NIPBL: variants seen among roughly 807,000 people sequenced by gnomAD.
The protein encoded by NIPBL is NIPBL cohesin loading factor, also known as nipped-B-like protein.
NIPBL carries 19 observed loss-of-function variants against 321.8 expected under a neutral mutation model. The observed-to-expected ratio is 0.06, with a 90% CI of 0.04 to 0.09. The LOEUF (loss-of-function observed/expected upper bound fraction) is 0.09. Ranked by LOEUF, NIPBL falls within the 10% of genes least tolerant of loss-of-function variation. NIPBL has a pLI of 1.00. For missense variants in NIPBL, 2,210 were observed against 3,327.0 expected (o/e 0.66, Z 8.26); for synonymous variants, 1,106 against 1,114.1 (o/e 0.99, Z 0.14).
intron 1 of NIPBL, among the ~76,000 whole-genome samples, chr5:36,929,292 A>G (rs74640063): frequency 8.5e-5 from 13 of 152,218 alleles, no homozygotes; most frequent in African/African-American, 3.1e-4. Context: ...TAAGCCATTC[A>G]CATGTGTTCT....
At chr5:37,011,203 A>G (rs576614096) in intron 21 of NIPBL, among the ~76,000 whole-genome samples, 20 of 152,200 alleles carry the variant, frequency 1.3e-4, no homozygotes, top group Middle Eastern at 3.2e-3. Context: ...TTGTTTATCT[A>G]CTGTTAGAGC....
intron 10 of NIPBL, among the ~76,000 whole-genome samples, chr5:36,994,402 T>C (rs995954761): frequency 6.6e-6 from 1 of 152,178 alleles, no homozygotes; most frequent in Non-Finnish European, 1.5e-5. Context: ...GGTTATTCTT[T>C]CATTAAGATT....
intron 41 of NIPBL, among the ~76,000 whole-genome samples, chr5:37,052,105 T>C (rs1323068438): frequency 6.6e-6 from 1 of 152,120 alleles, no homozygotes; most frequent in Admixed American, 6.5e-5. Context: ...AGACTAAAAA[T>C]CAGGAAACCT....
At chr5:36,993,945 CAT>C (rs1159827650) in intron 10 of NIPBL, among the ~76,000 whole-genome samples, 3 of 152,002 alleles carry the variant, frequency 2.0e-5, no homozygotes, top group African/African-American at 7.2e-5. Flanking sequence ...TTATGTAGGT[CAT>C]GTGGAAAAGG....
chr5:36,907,425 T>A (rs1440699764), intron 1 of NIPBL, among the ~76,000 whole-genome samples: 1 of 152,120 alleles, frequency 6.6e-6, no homozygotes, highest in Non-Finnish European at 1.5e-5. Flanking sequence ...AAATAAAAGT[T>A]ACGTAGATAC....
chr5:37,053,106 A>T (rs1014575119), intron 42 of NIPBL, among the ~76,000 whole-genome samples: 13 of 152,176 alleles, frequency 8.5e-5, no homozygotes, highest in African/African-American at 3.1e-4. Context: ...GCATCACTTA[A>T]TGACAGGGAT....
At chr5:36,974,562 TACTC>T (rs1300014887) in intron 8 of NIPBL, among the ~76,000 whole-genome samples, 2 of 152,130 alleles carry the variant, frequency 1.3e-5, no homozygotes, top group Non-Finnish European at 2.9e-5. Context: ...TTAAAGATAA[TACTC>T]AAGAATGTTG....
chr5:36,996,553 G>A lies in NIPBL; in HGVS notation c.3304+749G>A, dbSNP rs1297670488. On this transcript the variant is annotated intron_variant, in intron 11 of 46. Coordinates refer to ENST00000282516, the MANE Select transcript of NIPBL (RefSeq NM_133433.4). The surrounding 1 kb of genome is among the most constrained non-coding windows in gnomAD (Gnocchi z 5.0). The stretch of plus-strand genomic sequence containing the variant: ...GCACTAGACTTGCTATACCTCGCCT[G>A]TCTTCCTACTGGTCCACTGAAAAAG... The A allele has an allele frequency of 4.4e-6, 2 of 455,820 alleles. No homozygotes were observed. Among genetic ancestry groups the A allele is most frequent in the African/African-American group, 4.0e-5 (2 of 50,008 alleles). 28.2% of individuals were successfully genotyped at this position (455,820 alleles called of 1,614,324 possible). A position where few individuals can be genotyped will look rare whatever the true frequency, so the allele number is the denominator to read the frequency against.
Position 36,962,196 on chromosome 5 carries a change from T to C in NIPBL, c.532T>C (p.Tyr178His). 6.2e-7 allele frequency: 1 copy of C among 1,614,118 alleles called. No individual in the cohort carries two copies. The highest frequency in any genetic ancestry group is 8.5e-7 in the Non-Finnish European group (1 of 1,179,980). Residue 178 changes from tyrosine (Y) to histidine (H), a missense_variant, in exon 6 of 47, where the codon TAC becomes CAC. By Grantham distance (83) the Tyr-to-His change is moderately conservative. Around this residue, in one of 14 missense-constraint regions of NIPBL, gnomAD observed 464 missense variants for 529.5 expected, o/e 0.88. Coordinates refer to ENST00000282516, the MANE Select transcript of NIPBL (RefSeq NM_133433.4). ...GCAAAATAGCCCAGTGCCTAGTCCA[T>C]ACGCCCCACAAAGCCCTGCAGGATA... is the stretch of plus-strand genomic sequence containing the variant. ...PQQNSPVPSP[Y>H]APQSPAGYMP...
At chr5:36,911,944 T>C (rs1748081002) in intron 1 of NIPBL, among the ~76,000 whole-genome samples, 1 of 151,992 alleles carries the variant, frequency 6.6e-6, no homozygotes, top group Non-Finnish European at 1.5e-5. Context: ...GAGTTTGACC[T>C]TTTTCCGTAC....
chr5:37,013,180 C>G (rs1401282974), intron 21 of NIPBL, among the ~76,000 whole-genome samples: 1 of 150,824 alleles, frequency 6.6e-6, no homozygotes, highest in African/African-American at 2.4e-5. Context: ...CTGACCCCCC[C>G]ACCTCCCTCC....
intron 1 of NIPBL, among the ~76,000 whole-genome samples, chr5:36,953,417 C>T (rs1388319832): frequency 1.3e-5 from 2 of 152,124 alleles, no homozygotes; most frequent in Non-Finnish European, 2.9e-5. Context: ...AGCTACTGTA[C>T]TGGGTTGTTG....
At chr5:36,954,762 G>A (rs1038028072) in intron 2 of NIPBL, among the ~76,000 whole-genome samples, 10 of 152,064 alleles carry the variant, frequency 6.6e-5, no homozygotes, top group African/African-American at 1.2e-4. Context: ...ATACTGTATA[G>A]GTGATTAGAA....
chr5:37,013,287 A>G (rs1304463212), intron 21 of NIPBL, among the ~76,000 whole-genome samples: 2 of 143,692 alleles, frequency 1.4e-5, no homozygotes, highest in Admixed American at 6.8e-5. Context: ...GCGGCTGGCC[A>G]GGCGGGGGGC....
At chr5:36,978,886 T>G (rs1213909508) in intron 9 of NIPBL, among the ~76,000 whole-genome samples, 2 of 151,974 alleles carry the variant, frequency 1.3e-5, no homozygotes. Context: ...TTGTTGGAGA[T>G]CAGTTGTTTT....
At chr5:36,878,948 T>C (rs1309701286) in intron 1 of NIPBL, among the ~76,000 whole-genome samples, 1 of 137,576 alleles carries the variant, frequency 7.3e-6, no homozygotes, top group Non-Finnish European at 1.6e-5. Flanking sequence ...CACTGTTTGC[T>C]ACGGGGCCTC....
chr5:36,942,781 C>G (rs948673312), intron 1 of NIPBL, among the ~76,000 whole-genome samples: 3 of 150,312 alleles, frequency 2.0e-5, no homozygotes, highest in African/African-American at 7.3e-5. Flanking sequence ...ATTCCAGTAT[C>G]TTTTTTCACA....
intron 23 of NIPBL, 30 bp from the exon 24 acceptor site, chr5:37,016,989 T>C: frequency 7.1e-7 from 1 of 1,416,038 alleles, no homozygotes; most frequent in Non-Finnish European, 9.8e-7. Context: ...GTTATAAATC[T>C]ATTCAATCAA....
At chr5:37,053,029 T>TA (rs1317801416) in intron 42 of NIPBL, among the ~76,000 whole-genome samples, 3 of 152,184 alleles carry the variant, frequency 2.0e-5, no homozygotes, top group Non-Finnish European at 4.4e-5. Context: ...TCATTAAAGA[T>TA]ACATTTCATG....
Sources: gnomAD v4.1 joint callset for allele counts (sites outside exome capture counted in the v4.1 genomes callset) on GRCh38, gnomAD v4.1.1 for gene constraint, gnomAD v4.1.1 regional missense constraint, Gnocchi (gnomAD v3.1) non-coding constraint, MANE v1.5 for transcripts, NCBI Gene and HGNC (gene_info 2026-07-23, HGNC 2026-07-21) for gene names.